SLC43A2: variants seen among roughly 807,000 people sequenced by gnomAD.
The protein encoded by SLC43A2 is solute carrier family 43 member 2.
In SLC43A2, 38 loss-of-function variants were observed where a neutral mutation model predicts 63.2. The observed-to-expected ratio is 0.60, with a 90% CI of 0.46 to 0.79. SLC43A2 has a LOEUF of 0.79. SLC43A2 is among the 30% of genes least tolerant of loss of function. The pLI, the probability that SLC43A2 is intolerant of heterozygous loss-of-function variation, is 0.00. For synonymous variants in SLC43A2, 322 were observed against 331.0 expected (o/e 0.97, Z 0.30); for missense variants, 644 against 756.2 (o/e 0.85, Z 1.74).
At chr17:1,621,958 A>G (rs1382102670) in intron 2 of SLC43A2, among the ~76,000 whole-genome samples, 1 of 152,218 alleles carries the variant, frequency 6.6e-6, no homozygotes, top group Non-Finnish European at 1.5e-5. Flanking sequence ...CTTGGTGGGA[A>G]TGGGACTAAG....
At chr17:1,591,724 TGGGG>T in intron 6 of SLC43A2, 25 bp from the exon 7 acceptor site, 1 of 218,406 alleles carries the variant, frequency 4.6e-6, no homozygotes, top group Non-Finnish European at 9.3e-6. Context: ...GGGGACGGGG[TGGGG>T]GGGGGAGGGG....
Position 1,605,048 on chromosome 17 carries a change from C to G in SLC43A2, c.501+8147G>C, listed in dbSNP as rs1224096429. The G allele has an allele frequency of 5.0e-6, 7 of 1,413,864 alleles. No individual in the cohort carries two copies. In the African/African-American group the frequency reaches 1.0e-4, roughly 20 times the overall value. 87.6% of individuals were successfully genotyped at this position (1,413,864 alleles called of 1,614,324 possible). On this transcript the variant is annotated intron_variant, in intron 5 of 13. Coordinates refer to ENST00000301335, the MANE Select transcript of SLC43A2 (RefSeq NM_152346.3). The surrounding 1 kb of genome is among the most constrained non-coding windows in gnomAD (Gnocchi z 4.9). Reference sequence around the variant, plus strand: ...ACCAGCTTTGCTGCCAAGCAGGAAGCCGGAGCTGTTTCCTGACTCACCACC... The same window carrying G: ...ACCAGCTTTGCTGCCAAGCAGGAAGGCGGAGCTGTTTCCTGACTCACCACC...
chr17:1,597,252 C>G (rs1435251742), intron 5 of SLC43A2, among the ~76,000 whole-genome samples: 3 of 151,704 alleles, frequency 2.0e-5, no homozygotes, highest in Non-Finnish European at 4.4e-5. Context: ...CGCCTGTAAT[C>G]CCAGCACTTT....
intron 11 of SLC43A2, among the ~76,000 whole-genome samples, chr17:1,579,223 GGC>G (rs1158654230): frequency 6.6e-6 from 1 of 151,314 alleles, no homozygotes; most frequent in East Asian, 1.9e-4. Context: ...CACTTTGGGA[GGC>G]TGAGGTGGGT....
intron 10 of SLC43A2, among the ~76,000 whole-genome samples, chr17:1,584,639 C>T (rs1267325522): frequency 6.8e-6 from 1 of 146,564 alleles, no homozygotes; most frequent in Admixed American, 7.1e-5. Context: ...CTGTGAAACC[C>T]CTGTCTCTAC....
chr17:1,579,687 A>G (rs866226328), intron 11 of SLC43A2, among the ~76,000 whole-genome samples: 1 of 151,436 alleles, frequency 6.6e-6, no homozygotes, highest in African/African-American at 2.4e-5. Flanking sequence ...AAATATAAAA[A>G]TTAACTGGGC....
In SLC43A2 at chr17:1,586,006, A is replaced by T; in HGVS notation, c.1124T>A (p.Leu375Gln). Residue 375 changes from leucine to glutamine, a missense_variant, in exon 10 of 14, where the codon CTG becomes CAG. Leu to Gln is a moderately radical substitution (Grantham distance 113). Around this residue, in one of 3 missense-constraint regions of SLC43A2, gnomAD observed 528 missense variants for 623.6 expected, o/e 0.85. Transcript: ENST00000301335. Reference protein sequence around the residue: ...SIFGVLQLLCLLTAPVIGYIM... With the variant: ...SIFGVLQLLCQLTAPVIGYIM... ...GTAGCCAATGACGGGGGCCGTCAGC[A>T]GGCACAGCAGCTGGAGCACGCCGAA... The T allele has an allele frequency of 6.2e-7, 1 of 1,611,962 alleles. No individual in the cohort carries two copies. The highest frequency in any genetic ancestry group is 1.1e-5 in the South Asian group (1 of 90,798).
intron 10 of SLC43A2, among the ~76,000 whole-genome samples, chr17:1,584,603 G>A (rs1157259747): frequency 1.3e-5 from 2 of 152,086 alleles, no homozygotes; most frequent in Non-Finnish European, 2.9e-5. Flanking sequence ...CACAAGATCA[G>A]GAGATCAAGA....
intron 6 of SLC43A2, among the ~76,000 whole-genome samples, chr17:1,592,826 G>A (rs570889005): frequency 6.6e-6 from 1 of 152,280 alleles, no homozygotes; most frequent in South Asian, 2.1e-4. Flanking sequence ...GGGGAGTAAC[G>A]GTACAATAAC....
chr17:1,604,978 G>A (rs146176714), intron 5 of SLC43A2: 51,176 of 1,448,848 alleles, frequency 0.035, 1,042 homozygotes, highest in Middle Eastern at 0.048. Flanking sequence ...GCCCTAGCGC[G>A]GGCCTCGAGG....
At position 1,570,572 on chromosome 17, in the gene SLC43A2, C is replaced by T. The variant is rs529444566; in HGVS notation, c.*5032G>A. The T allele has an allele frequency of 5.8e-4, 87 of 149,294 alleles. No homozygotes were observed. Among genetic ancestry groups the T allele is most frequent in the African/African-American group, 1.9e-3 (76 of 40,388 alleles). The allele number at this position is 149,294 out of a possible 1,614,324, so 9.2% of individuals were successfully genotyped here. A position where few individuals can be genotyped will look rare whatever the true frequency, so the allele number is the denominator to read the frequency against. ...CGGGATCTCGGCTCACTGCAAGCTC[C>T]GCCTCCCGGGTTCACACCATTCTCC... On this transcript the variant is annotated 3_prime_UTR_variant, in exon 14 of 14. Transcript: ENST00000301335.
At chr17:1,576,772 G>T in intron 12 of SLC43A2, 52 bp from the exon 13 acceptor site, 1 of 1,589,936 alleles carries the variant, frequency 6.3e-7, no homozygotes, top group South Asian at 1.1e-5. Context: ...GCTTTGCTTG[G>T]CCCCAGGTGT....
chr17:1,575,552 G>GGGCA lies in SLC43A2; in HGVS notation c.*51_*52insTGCC. On this transcript the variant is annotated 3_prime_UTR_variant, in exon 14 of 14. Transcript: ENST00000301335. ...GGGGTACTCTGGAGGGGCAGGACAG[G>GGGCA]GGTCAGTCACTGAAGCACAGGCAGG... 6.2e-7 allele frequency: 1 copy of GGGCA among 1,612,072 alleles called. No individual in the cohort carries two copies. Among genetic ancestry groups the GGGCA allele is most frequent in the Non-Finnish European group, 8.5e-7 (1 of 1,178,294 alleles).
intron 5 of SLC43A2, among the ~76,000 whole-genome samples, chr17:1,594,324 C>A (rs1275455343): frequency 3.3e-5 from 5 of 152,196 alleles, no homozygotes; most frequent in African/African-American, 1.2e-4. Flanking sequence ...TCAAGGCTAA[C>A]TCTTGCTCAT....
At chr17:1,604,143 C>T (rs111429039) in intron 5 of SLC43A2, among the ~76,000 whole-genome samples, 1,560 of 152,216 alleles carry the variant, frequency 0.01, 29 homozygotes, top group African/African-American at 0.035. Flanking sequence ...CTGGTTCAAG[C>T]GATTCTCCTG....
In SLC43A2 at chr17:1,577,933, C is replaced by G. The variant is rs901543615; in HGVS notation, c.1424+317G>C. Among the ~76,000 whole-genome samples the G allele has an allele frequency of 6.6e-6, 1 of 152,314 alleles. No homozygotes were observed. The highest frequency in any genetic ancestry group is 1.9e-4 in the East Asian group (1 of 5,184). On this transcript the variant is annotated intron_variant, in intron 12 of 13. Transcript: ENST00000301335. This position sits in a 1 kb window ranked among gnomAD's most constrained non-coding sequence, Gnocchi z 4.9. Reference sequence around the variant, plus strand: ...TTCCCAGTGAGCAGCCAGGGCCAGCCCCAGGACTCGGCTGTAGTGGCCCCT... The same window carrying G: ...TTCCCAGTGAGCAGCCAGGGCCAGCGCCAGGACTCGGCTGTAGTGGCCCCT...
In SLC43A2 at chr17:1,619,775, T is replaced by C. The variant is rs74759914; in HGVS notation, c.161-3006A>G. 1.0e-2 allele frequency among the ~76,000 whole-genome samples: 1,517 copies of C among 152,258 alleles called. 28 individuals carry two copies. The highest frequency in any genetic ancestry group is 0.034 in the African/African-American group (1,433 of 41,546). ...AGCAACAGCCATTTCCAGGTTGACA[T>C]GCAGATAGGAGCAAACCAGCACAGA... On this transcript the variant is annotated intron_variant, in intron 2 of 13. Coordinates refer to ENST00000301335, the MANE Select transcript of SLC43A2 (RefSeq NM_152346.3).
rs200335951 is a variant in SLC43A2 at position 1,600,100 on chromosome 17, C to CTTT, written c.502-6824_502-6822dup. Among the ~76,000 whole-genome samples the CTTT allele has an allele frequency of 1.1e-3, 96 of 88,966 alleles. 1 individual carries two copies. The highest frequency in any genetic ancestry group is 4.0e-3 in the African/African-American group (93 of 23,286). 58.4% of individuals were successfully genotyped at this position (88,966 alleles called of 152,430 possible). On this transcript the variant is annotated intron_variant, in intron 5 of 13. Transcript: ENST00000301335. ...TTTTTCTATGGGGATGTTAATCTTTCTTTTTTTTTTTTACAGTAAGCTATA... is the reference window on the plus strand; with the variant it reads ...TTTTTCTATGGGGATGTTAATCTTTCTTTTTTTTTTTTTTTACAGTAAGCTATA...
At chr17:1,594,161 A>G (rs1470777950) in intron 5 of SLC43A2, among the ~76,000 whole-genome samples, 1 of 152,152 alleles carries the variant, frequency 6.6e-6, no homozygotes, top group East Asian at 1.9e-4. Flanking sequence ...GCAGGGGATT[A>G]TCTTCCCACA....
Sources: gnomAD v4.1 joint callset for allele counts (sites outside exome capture counted in the v4.1 genomes callset) on GRCh38, gnomAD v4.1.1 for gene constraint, gnomAD v4.1.1 regional missense constraint, Gnocchi (gnomAD v3.1) non-coding constraint, MANE v1.5 for transcripts, NCBI Gene and HGNC (gene_info 2026-07-23, HGNC 2026-07-21) for gene names.